PAPPA2: variants seen among roughly 807,000 people sequenced by gnomAD.
The protein encoded by PAPPA2 is pappalysin 2, also known as pappalysin-2.
In PAPPA2, 86 loss-of-function variants were observed where a neutral mutation model predicts 176.4. That is an observed-to-expected ratio of 0.49 (90% CI 0.41 to 0.58). The LOEUF is 0.58. Ranked by LOEUF, PAPPA2 falls within the 20% of genes least tolerant of loss-of-function variation. The pLI is 0.00. For synonymous variants in PAPPA2, 809 were observed against 852.2 expected (o/e 0.95, Z 0.88); for missense variants, 2,073 against 2,256.9 (o/e 0.92, Z 1.65).
chr1:176,538,241 G>T (rs1268078064), intron 1 of PAPPA2, among the ~76,000 whole-genome samples: 7 of 152,074 alleles, frequency 4.6e-5, no homozygotes, highest in Non-Finnish European at 7.4e-5. Context: ...AGTTGGGATG[G>T]ACCCCAGGAC....
At chr1:176,760,803 GT>G (rs1451453538) in intron 14 of PAPPA2, among the ~76,000 whole-genome samples, 1 of 151,986 alleles carries the variant, frequency 6.6e-6, no homozygotes, top group Non-Finnish European at 1.5e-5. Flanking sequence ...CAAAAGCATG[GT>G]TTTTTTGTTT....
chr1:176,598,971 C>CT (rs983959817), intron 3 of PAPPA2, among the ~76,000 whole-genome samples: 1 of 152,046 alleles, frequency 6.6e-6, no homozygotes, highest in Non-Finnish European at 1.5e-5. Flanking sequence ...TTCAGGTAAT[C>CT]TTTTTTGAAA....
intron 4 of PAPPA2, among the ~76,000 whole-genome samples, chr1:176,684,917 G>A (rs1348369547): frequency 6.6e-6 from 1 of 152,166 alleles, no homozygotes; most frequent in Non-Finnish European, 1.5e-5. Context: ...AGTCTTGCTT[G>A]TCTTCTGGAT....
chr1:176,579,800 T>G (rs1032070349), intron 2 of PAPPA2, among the ~76,000 whole-genome samples: 4 of 152,216 alleles, frequency 2.6e-5, no homozygotes, highest in Non-Finnish European at 4.4e-5. Context: ...GATTCTCAGT[T>G]TTTTGGTCTG....
chr1:176,697,673 T>C (rs1397499716), intron 7 of PAPPA2, among the ~76,000 whole-genome samples: 1 of 152,184 alleles, frequency 6.6e-6, no homozygotes, highest in African/African-American at 2.4e-5. Context: ...CTTCATAACC[T>C]AAAATAGCTC....
intron 4 of PAPPA2, among the ~76,000 whole-genome samples, chr1:176,683,053 T>TA (rs1420812213): frequency 1.3e-5 from 2 of 150,580 alleles, no homozygotes; most frequent in African/African-American, 4.9e-5. Flanking sequence ...TTTATTTATT[T>TA]ATTTGCTGGA....
chr1:176,614,877 C>A (rs1437987231), intron 3 of PAPPA2, among the ~76,000 whole-genome samples: 1 of 151,980 alleles, frequency 6.6e-6, no homozygotes, highest in East Asian at 1.9e-4. Context: ...TATTAAGTTA[C>A]ACAGCTCGAA....
chr1:176,841,730 A>T (rs759040355), intron 22 of PAPPA2, among the ~76,000 whole-genome samples: 8 of 152,144 alleles, frequency 5.3e-5, no homozygotes, highest in Non-Finnish European at 8.8e-5. Context: ...ATACAGCCAC[A>T]AACAATGGGT....
In PAPPA2 at chr1:176,557,253, C is replaced by A; in HGVS notation, c.919+12C>A. Reference sequence around the variant, plus strand: ...AGCCATCATCGCAGGTAACACCCTTCTCCTGGGCTTTCTGAAATCCTGAGG... The same window carrying A: ...AGCCATCATCGCAGGTAACACCCTTATCCTGGGCTTTCTGAAATCCTGAGG... On this transcript the variant is annotated intron_variant, in intron 2 of 22. Transcript: ENST00000367662. The A allele has an allele frequency of 6.4e-7, 1 of 1,556,984 alleles. No individual in the cohort carries two copies.
At chr1:176,642,794 A>G (rs1322267328) in intron 3 of PAPPA2, among the ~76,000 whole-genome samples, 1 of 151,968 alleles carries the variant, frequency 6.6e-6, no homozygotes, top group Non-Finnish European at 1.5e-5. Context: ...AGGGTAAAAA[A>G]GAACAGAAAA....
chr1:176,752,998 C>T (rs555404188), intron 14 of PAPPA2, among the ~76,000 whole-genome samples: 26 of 152,236 alleles, frequency 1.7e-4, no homozygotes, highest in East Asian at 1.4e-3. Flanking sequence ...ACTGTAGATA[C>T]GGAATTATAG....
intron 1 of PAPPA2, among the ~76,000 whole-genome samples, chr1:176,532,890 C>T (rs1249793836): frequency 6.6e-6 from 1 of 152,142 alleles, no homozygotes; most frequent in African/African-American, 2.4e-5. Context: ...TATTGCCCAC[C>T]CCCTGTGGGC....
chr1:176,668,942 A>G (rs549651674), intron 3 of PAPPA2, among the ~76,000 whole-genome samples: 5 of 152,220 alleles, frequency 3.3e-5, no homozygotes, highest in Admixed American at 2.6e-4. Context: ...GATGAGGAGA[A>G]CCAGCTAATG....
intron 22 of PAPPA2, among the ~76,000 whole-genome samples, 157 bp downstream of exon 22, chr1:176,840,428 G>A (rs907662069): frequency 6.6e-6 from 1 of 152,132 alleles, no homozygotes; most frequent in Non-Finnish European, 1.5e-5. Context: ...AAAGTGACAG[G>A]GTTAAGGGTA....
chr1:176,632,636 G>A (rs1467929786), intron 3 of PAPPA2, among the ~76,000 whole-genome samples: 1 of 152,188 alleles, frequency 6.6e-6, no homozygotes, highest in Non-Finnish European at 1.5e-5. Context: ...GACCCATTTT[G>A]CTTAATAAGT....
rs147115379 is a variant in PAPPA2 at position 176,639,467 on chromosome 1, A to C, written c.1992-31503A>C. Among the ~76,000 whole-genome samples the C allele has an allele frequency of 6.2e-3, 942 of 152,216 alleles. 14 individuals carry two copies. The highest frequency in any genetic ancestry group is 0.021 in the African/African-American group (867 of 41,556). ...CTAATTTGGCTTTTTTATTCTTTAA[A>C]AAATGAGCTTTTCTTCAGAAATTAA... On this transcript the variant is annotated intron_variant, in intron 3 of 22. Transcript: ENST00000367662.
At chr1:176,801,802 G>A (rs1044309543) in intron 21 of PAPPA2, among the ~76,000 whole-genome samples, 4 of 152,112 alleles carry the variant, frequency 2.6e-5, no homozygotes, top group Non-Finnish European at 5.9e-5. Flanking sequence ...GCTGGCTTCC[G>A]TGTTTCCCAG....
chr1:176,721,247 G>A (rs1374823915), intron 12 of PAPPA2, among the ~76,000 whole-genome samples: 1 of 152,178 alleles, frequency 6.6e-6, no homozygotes, highest in Non-Finnish European at 1.5e-5. Context: ...TGAGAGTCTG[G>A]TATAAATTAA....
At chr1:176,471,985 T>C (rs970178122) in intron 1 of PAPPA2, among the ~76,000 whole-genome samples, 1 of 152,212 alleles carries the variant, frequency 6.6e-6, no homozygotes, top group South Asian at 2.1e-4. Flanking sequence ...CATTAGAAAG[T>C]ATGTAACGTC....
Sources: allele counts gnomAD v4.1 joint callset (sites outside exome capture counted in the v4.1 genomes callset), GRCh38; gene constraint gnomAD v4.1.1; transcripts MANE v1.5; gene names NCBI Gene and HGNC (gene_info 2026-07-23, HGNC 2026-07-21).